The following DMD variants were observed in gnomAD, a reference collection of about 807,000 sequenced individuals.
DMD encodes dystrophin, also known as mutant dystrophin.
In DMD, 63 loss-of-function variants were observed where a neutral mutation model predicts 330.1. The observed-to-expected ratio is 0.19, with a 90% CI of 0.16 to 0.24. The LOEUF (loss-of-function observed/expected upper bound fraction) is 0.24, where lower values mean the gene tolerates loss of function less well. Ranked by LOEUF, DMD falls within the 10% of genes least tolerant of loss-of-function variation. DMD has a pLI of 1.00. For missense variants in DMD, 3,344 were observed against 2,684.1 expected (o/e 1.25, Z -5.43); for synonymous variants, 1,223 against 959.8 (o/e 1.27, Z -5.07).
intron 49 of DMD, among the ~76,000 whole-genome samples, chrX:31,827,870 T>G (rs2405150): frequency 9.1e-6 from 1 of 110,180 alleles, no homozygotes; most frequent in African/African-American, 3.3e-5. Context: ...TTTGAAATGA[T>G]TAATAGTGAC....
At chrX:31,704,263 T>A in intron 52 of DMD, among the ~76,000 whole-genome samples, 1 of 111,820 alleles carries the variant, frequency 8.9e-6, no homozygotes, top group East Asian at 2.8e-4. Context: ...CTTGGGTTTA[T>A]GGGAAACAAA....
In DMD at chrX:32,317,078, G is replaced by A. The variant is rs148410183; in HGVS notation, c.5923-6802C>T. 5.9e-3 allele frequency among the ~76,000 whole-genome samples: 658 copies of A among 110,684 alleles called. 10 individuals carry two copies. Among genetic ancestry groups the A allele is most frequent in the African/African-American group, 0.02 (621 of 30,608 alleles). Reference sequence around the variant, plus strand: ...CTGAGTTCTGATGTGTACAAATCCCGTCTAACCTTTTGAAAATCAACTTGC... The same window carrying A: ...CTGAGTTCTGATGTGTACAAATCCCATCTAACCTTTTGAAAATCAACTTGC... On this transcript the variant is annotated intron_variant, in intron 41 of 78. Coordinates refer to ENST00000357033, the MANE Select transcript of DMD (RefSeq NM_004006.3).
rs1016388917 is a variant in DMD at position 33,118,299 on chromosome X, A to T, written c.31+92983T>A. ...CTAATTTTTTGTATTTTTAGTGGAG[A>T]CGGGGTTTCACCGTGTTAGCCAGGA... On this transcript the variant is annotated intron_variant, in intron 1 of 78. Transcript: ENST00000357033. Among the ~76,000 whole-genome samples the T allele has an allele frequency of 6.5e-5, 7 of 108,095 alleles. No homozygotes were observed. In the South Asian group the frequency reaches 2.9e-3, roughly 44 times the overall value. The allele number at this position is 108,095 out of a possible 115,157, so 93.9% of individuals were successfully genotyped here.
chrX:32,688,331 G>C (rs1239954460), intron 9 of DMD, among the ~76,000 whole-genome samples: 1 of 112,142 alleles, frequency 8.9e-6, no homozygotes, highest in Admixed American at 9.5e-5. Context: ...TTCTAGAATG[G>C]TTGGTAAAAT....
chrX:32,561,267 T>C (rs1363769941), intron 16 of DMD, among the ~76,000 whole-genome samples: 1 of 111,132 alleles, frequency 9.0e-6, no homozygotes, highest in African/African-American at 3.3e-5. Flanking sequence ...CGATAAAACG[T>C]AACAGGAGCG....
At chrX:32,070,602 C>T (rs778059216) in intron 44 of DMD, among the ~76,000 whole-genome samples, 63 of 110,545 alleles carry the variant, frequency 5.7e-4, no homozygotes, top group African/African-American at 1.9e-3. Context: ...TATGTATGTA[C>T]GTGTGTCTAT....
At chrX:32,737,802 A>G (rs760411887) in intron 7 of DMD, among the ~76,000 whole-genome samples, 1 of 111,830 alleles carries the variant, frequency 8.9e-6, no homozygotes, top group African/African-American at 3.2e-5. Context: ...TGAATGAGTA[A>G]TAAGCTCTAA....
intron 27 of DMD, among the ~76,000 whole-genome samples, chrX:32,447,123 A>G (rs1243523245): frequency 9.0e-6 from 1 of 110,879 alleles, no homozygotes; most frequent in Non-Finnish European, 1.9e-5. Context: ...AGAAAGTAAT[A>G]GTAGGTGTTT....
At chrX:32,745,437 C>CA (rs1295814074) in intron 7 of DMD, among the ~76,000 whole-genome samples, 1 of 112,119 alleles carries the variant, frequency 8.9e-6, no homozygotes, top group African/African-American at 3.2e-5. Context: ...CCTTAAAGCA[C>CA]AAAAGCATAT....
intron 1 of DMD, among the ~76,000 whole-genome samples, chrX:33,145,222 A>G (rs1569556397): frequency 8.9e-6 from 1 of 112,077 alleles, no homozygotes; most frequent in African/African-American, 3.2e-5. Context: ...ATTTCTAAAC[A>G]CAAAATATAA....
At chrX:32,206,421 GA>G in intron 44 of DMD, 1 of 496,028 alleles carries the variant, frequency 2.0e-6, no homozygotes, top group Non-Finnish European at 3.7e-6. Flanking sequence ...GGAAACTGAA[GA>G]AAAAGCGCCA....
chrX:32,022,772 T>A (rs1361418721), intron 44 of DMD, among the ~76,000 whole-genome samples: 1 of 110,600 alleles, frequency 9.0e-6, no homozygotes, highest in Non-Finnish European at 1.9e-5. Context: ...TGTCATATAT[T>A]GCAAAAAAGG....
At chrX:33,177,005 G>A (rs952965257) in intron 1 of DMD, among the ~76,000 whole-genome samples, 10 of 112,029 alleles carry the variant, frequency 8.9e-5, no homozygotes, top group Non-Finnish European at 1.7e-4. Context: ...TTAGGGCTTG[G>A]GGAAAACAAA....
In DMD at chrX:32,323,261, A is replaced by G. The variant is rs1322413753; in HGVS notation, c.5923-12985T>C. On this transcript the variant is annotated intron_variant, in intron 41 of 78. Transcript: ENST00000357033. ...GCAAACACTATGCCATTTTATATAA[A>G]TAATTTGAGTATTCTTGAATTTTGA... is the stretch of plus-strand genomic sequence containing the variant. 2.7e-5 allele frequency among the ~76,000 whole-genome samples: 3 copies of G among 111,812 alleles called. No homozygotes were observed. In the East Asian group the frequency reaches 8.4e-4, roughly 31 times the overall value.
At chrX:32,965,654 A>C (rs1275257607) in intron 2 of DMD, among the ~76,000 whole-genome samples, 1 of 111,291 alleles carries the variant, frequency 9.0e-6, no homozygotes, top group African/African-American at 3.3e-5. Flanking sequence ...TAATGGTTAG[A>C]GCTAATGAGC....
intron 44 of DMD, among the ~76,000 whole-genome samples, chrX:32,189,607 G>A (rs1009260514): frequency 3.3e-5 from 3 of 90,828 alleles, no homozygotes; most frequent in African/African-American, 8.7e-5. Context: ...CTTTTACTAC[G>A]CAGCAGGCAT....
intron 2 of DMD, among the ~76,000 whole-genome samples, chrX:32,882,200 G>A (rs1254902258): frequency 9.0e-6 from 1 of 111,716 alleles, no homozygotes; most frequent in East Asian, 2.8e-4. Flanking sequence ...CCACGTAGCA[G>A]CCCCCTACTC....
chrX:32,830,754 T>TAC (rs1473094020), intron 4 of DMD, among the ~76,000 whole-genome samples: 2 of 111,844 alleles, frequency 1.8e-5, no homozygotes, highest in Non-Finnish European at 3.8e-5. Flanking sequence ...CTCAGAGTTT[T>TAC]ACACTGTTAT....
At chrX:32,803,374 C>A (rs1216985621) in intron 7 of DMD, among the ~76,000 whole-genome samples, 1 of 108,959 alleles carries the variant, frequency 9.2e-6, no homozygotes, top group Non-Finnish European at 1.9e-5. Context: ...CTTTTTTAGT[C>A]TGGCTAGCCA....
Sources: allele counts gnomAD v4.1 joint callset (sites outside exome capture counted in the v4.1 genomes callset), GRCh38; gene constraint gnomAD v4.1.1; transcripts MANE v1.5; gene names NCBI Gene and HGNC (gene_info 2026-07-23, HGNC 2026-07-21).